RYR3: variants seen among roughly 807,000 people sequenced by gnomAD.
RYR3 encodes brain ryanodine receptor-calcium release channel.
Under a neutral mutation model 584.3 loss-of-function variants are expected in RYR3, and 207 were observed. That is an observed-to-expected ratio of 0.35 (90% CI 0.32 to 0.40). The LOEUF (loss-of-function observed/expected upper bound fraction) is 0.40, where lower values mean the gene tolerates loss of function less well. Among genes scored for constraint, RYR3 ranks in the 10% least tolerant of loss-of-function variants. The pLI is 1.00. For synonymous variants in RYR3, 2,416 were observed against 2,248.5 expected, an observed-to-expected ratio of 1.07 and a Z score of -2.11; for missense variants, 5,616 against 6,089.2, an observed-to-expected ratio of 0.92 and a Z score of 2.59.
chr15:33,811,316 T>C (rs969826374), intron 72 of RYR3, among the ~76,000 whole-genome samples: 2 of 152,060 alleles, frequency 1.3e-5, no homozygotes, highest in African/African-American at 2.4e-5. Flanking sequence ...CCATCCTGGC[T>C]AACACGGTGA....
intron 32 of RYR3, among the ~76,000 whole-genome samples, chr15:33,657,241 G>A (rs556538388): frequency 2.0e-5 from 3 of 152,340 alleles, no homozygotes; most frequent in Non-Finnish European, 2.9e-5. Context: ...TGCAGGGAGG[G>A]TTGAGGAGAG....
intron 1 of RYR3, among the ~76,000 whole-genome samples, chr15:33,333,716 A>G (rs910085289): frequency 2.0e-5 from 3 of 152,228 alleles, no homozygotes; most frequent in African/African-American, 2.4e-5. Flanking sequence ...AGAGAAAGAA[A>G]TAAAGGGCAT....
At chr15:33,818,082 G>T (rs564722239) in intron 75 of RYR3, among the ~76,000 whole-genome samples, 2 of 152,162 alleles carry the variant, frequency 1.3e-5, no homozygotes, top group Non-Finnish European at 2.9e-5. Flanking sequence ...TGTTTTGCTG[G>T]GTTGAATCTA....
intron 3 of RYR3, among the ~76,000 whole-genome samples, chr15:33,526,706 C>T (rs1399360653): frequency 6.6e-5 from 10 of 151,694 alleles, no homozygotes; most frequent in Admixed American, 5.9e-4. Context: ...CTTACTCATT[C>T]AGGAAATATT....
At chr15:33,440,157 T>G (rs570051744) in intron 1 of RYR3, among the ~76,000 whole-genome samples, 41 of 152,186 alleles carry the variant, frequency 2.7e-4, no homozygotes, top group Non-Finnish European at 4.3e-4. Flanking sequence ...CATAGCAGCA[T>G]GCACCTGTCG....
At chr15:33,853,280 TAAAC>T (rs1484653827) in intron 95 of RYR3, among the ~76,000 whole-genome samples, 193 bp downstream of exon 95, 2 of 152,254 alleles carry the variant, frequency 1.3e-5, no homozygotes, top group East Asian at 3.8e-4. Flanking sequence ...TCATCTGCCT[TAAAC>T]AAGTTAACAC....
chr15:33,408,353 G>A (rs901646706), intron 1 of RYR3, among the ~76,000 whole-genome samples: 4 of 152,154 alleles, frequency 2.6e-5, no homozygotes, highest in East Asian at 1.9e-4. Flanking sequence ...TATCATGGTT[G>A]TGTAGTAGTC....
chr15:33,603,711 A>G (rs998903224), intron 18 of RYR3, among the ~76,000 whole-genome samples: 6 of 152,198 alleles, frequency 3.9e-5, no homozygotes, highest in African/African-American at 1.4e-4. Flanking sequence ...TTTTATCCTC[A>G]CAGGGAGCCC....
chr15:33,600,584 G>A (rs909632517), intron 16 of RYR3, among the ~76,000 whole-genome samples: 17 of 152,084 alleles, frequency 1.1e-4, no homozygotes, highest in Non-Finnish European at 1.9e-4. Context: ...TAGGAAGTGG[G>A]AATAAGGGGC....
In RYR3 at chr15:33,550,018, C is replaced by T. The variant is rs984208794; in HGVS notation, c.816-142C>T. On this transcript the variant is annotated intron_variant, in intron 9 of 103. Coordinates refer to ENST00000634891, the MANE Select transcript of RYR3 (RefSeq NM_001036.6). Reference sequence around the variant, plus strand: ...GCAGACATGAAATCCTACAGCAAGCCAGCAGCCTGGTGCGTTTTCCCTTAA... The same window carrying T: ...GCAGACATGAAATCCTACAGCAAGCTAGCAGCCTGGTGCGTTTTCCCTTAA... The T allele has an allele frequency of 2.0e-5, 15 of 766,514 alleles. No individual in the cohort carries two copies. The Admixed American group carries it at 4.0e-4, about 21-fold the overall frequency. 47.5% of individuals were successfully genotyped at this position (766,514 alleles called of 1,614,324 possible). A position where few individuals can be genotyped will look rare whatever the true frequency, so the allele number is the denominator to read the frequency against.
chr15:33,348,681 A>G (rs1008502505), intron 1 of RYR3, among the ~76,000 whole-genome samples: 1 of 151,948 alleles, frequency 6.6e-6, no homozygotes, highest in Non-Finnish European at 1.5e-5. Flanking sequence ...TCAGCATGTT[A>G]GCCAGGCTGG....
chr15:33,843,855 G>A (rs2303869), intron 92 of RYR3, among the ~76,000 whole-genome samples: 134,549 of 152,258 alleles, frequency 0.88, 59,781 homozygotes, highest in Non-Finnish European at 0.93. Flanking sequence ...GCTAGACCCT[G>A]TATTAGGAAC....
intron 1 of RYR3, among the ~76,000 whole-genome samples, chr15:33,387,271 G>T (rs2041670461): frequency 1.3e-5 from 2 of 152,186 alleles, no homozygotes; most frequent in African/African-American, 4.8e-5. Context: ...TGGTTATTGT[G>T]AATAGTGCTG....
intron 95 of RYR3, 75 bp downstream of exon 95, chr15:33,853,162 C>A: frequency 8.2e-7 from 1 of 1,216,746 alleles, no homozygotes; most frequent in Non-Finnish European, 1.1e-6. Context: ...TCTCCACATA[C>A]AAACATGAGT....
chr15:33,646,280 C>A, intron 28 of RYR3, 71 bp from the exon 29 acceptor site: 1 of 1,382,622 alleles, frequency 7.2e-7, no homozygotes. Flanking sequence ...TGCATGTCCA[C>A]GAGGGAAAAA....
chr15:33,795,307 G>A (rs907161820), intron 67 of RYR3, among the ~76,000 whole-genome samples: 2 of 152,044 alleles, frequency 1.3e-5, no homozygotes, highest in Admixed American at 6.5e-5. Flanking sequence ...GCTCAGTGGG[G>A]GACACATAAG....
At chr15:33,588,496 C>T (rs1488251737) in intron 16 of RYR3, among the ~76,000 whole-genome samples, 1 of 152,088 alleles carries the variant, frequency 6.6e-6, no homozygotes, top group Non-Finnish European at 1.5e-5. Flanking sequence ...GGTACAAGTG[C>T]AATTTTGTTA....
At chr15:33,551,161 T>C (rs573127793) in intron 10 of RYR3, among the ~76,000 whole-genome samples, 3 of 152,354 alleles carry the variant, frequency 2.0e-5, no homozygotes, top group Non-Finnish European at 2.9e-5. Context: ...TCTGTCACTT[T>C]ATGAGTGTTC....
intron 43 of RYR3, 125 bp from the exon 44 acceptor site, chr15:33,722,590 G>C: frequency 1.1e-6 from 1 of 911,532 alleles, no homozygotes; most frequent in Admixed American, 2.3e-5. Flanking sequence ...CACTTGACTG[G>C]CCTAAACCAA....
Sources: gnomAD v4.1 joint callset for allele counts (sites outside exome capture counted in the v4.1 genomes callset) on GRCh38, gnomAD v4.1.1 for gene constraint, MANE v1.5 for transcripts, NCBI Gene and HGNC (gene_info 2026-07-23, HGNC 2026-07-21) for gene names.